The following OPA1 variants were observed in gnomAD, a reference collection of about 807,000 sequenced individuals.
OPA1 encodes the protein OPA1 mitochondrial dynamin like GTPase.
In OPA1, 59 loss-of-function variants were observed where a neutral mutation model predicts 152.9. That is an observed-to-expected ratio of 0.39 (90% CI 0.31 to 0.48). The LOEUF is 0.48. Ranked by LOEUF, OPA1 falls within the 20% of genes least tolerant of loss-of-function variation. The pLI is 0.96. For synonymous variants in OPA1, 400 were observed against 389.9 expected, an observed-to-expected ratio of 1.03 and a Z score of -0.31; for missense variants, 1,008 against 1,216.8, an observed-to-expected ratio of 0.83 and a Z score of 2.55.
chr3:193,670,732 A>G (rs760087682), intron 29 of OPA1, among the ~76,000 whole-genome samples: 12 of 152,178 alleles, frequency 7.9e-5, no homozygotes, highest in Non-Finnish European at 1.6e-4. Flanking sequence ...CCTGGAGAAG[A>G]TATACTGTGT....
chr3:193,611,741 T>G (rs985387894), intron 1 of OPA1, among the ~76,000 whole-genome samples: 7 of 152,192 alleles, frequency 4.6e-5, no homozygotes, highest in African/African-American at 1.7e-4. Context: ...TAATGCTGTT[T>G]CAGCCCCTGC....
intron 1 of OPA1, among the ~76,000 whole-genome samples, chr3:193,612,254 ATCTG>A (rs1728361643): frequency 6.8e-6 from 1 of 147,842 alleles, no homozygotes; most frequent in Non-Finnish European, 1.5e-5. Context: ...TTTGTAAGAC[ATCTG>A]TCTAACTTCC....
chr3:193,596,808 T>C (rs935218336), intron 1 of OPA1: 1 of 152,192 alleles, frequency 6.6e-6, no homozygotes, highest in African/African-American at 2.4e-5. Flanking sequence ...AGCTGTACGT[T>C]GACAGTTGAA....
chr3:193,599,705 T>C (rs1726170092), intron 1 of OPA1, among the ~76,000 whole-genome samples: 1 of 152,298 alleles, frequency 6.6e-6, no homozygotes, highest in East Asian at 1.9e-4. Context: ...TGCTAATCAT[T>C]CTACCTTGGG....
intron 23 of OPA1, among the ~76,000 whole-genome samples, chr3:193,657,918 G>A (rs571718007): frequency 1.4e-4 from 21 of 152,172 alleles, no homozygotes; most frequent in Non-Finnish European, 2.6e-4. Flanking sequence ...AAAATGCAGA[G>A]CTGGTTGTAA....
At chr3:193,656,989 CATCTGTTTGGCTTG>C in intron 22 of OPA1, 77 bp from the exon 23 acceptor site, 3 of 1,094,940 alleles carry the variant, frequency 2.7e-6, no homozygotes, top group Non-Finnish European at 4.0e-6. Context: ...TTATTTATCA[CATCTGTTTGGCTTG>C]AGCTCGTGTT....
chr3:193,659,734 A>G (rs931325649), intron 25 of OPA1, among the ~76,000 whole-genome samples, 173 bp downstream of exon 25: 1 of 152,218 alleles, frequency 6.6e-6, no homozygotes, highest in African/African-American at 2.4e-5. Flanking sequence ...ACTACATAAG[A>G]AAGTTTTTTT....
intron 1 of OPA1, among the ~76,000 whole-genome samples, chr3:193,610,620 C>T (rs1728056420): frequency 1.3e-5 from 2 of 152,210 alleles, no homozygotes; most frequent in South Asian, 2.1e-4. Context: ...TTCGGCTATG[C>T]CCTGCCTGCA....
chr3:193,625,091 A>G lies in OPA1; in HGVS notation c.679-1001A>G, dbSNP rs557794359. ...AAAACATTAGGCTTGTAACATTGTCAAATCTTGGTGGTCTTTCTTCCACGT... is the reference window on the plus strand; with the variant it reads ...AAAACATTAGGCTTGTAACATTGTCGAATCTTGGTGGTCTTTCTTCCACGT... On this transcript the variant is annotated intron_variant, in intron 6 of 30. Transcript: ENST00000361510. Among the ~76,000 whole-genome samples the G allele has an allele frequency of 2.0e-5, 3 of 152,118 alleles. No homozygotes were observed. In the South Asian group the frequency reaches 6.2e-4, roughly 32 times the overall value.
At chr3:193,663,026 T>TA in intron 26 of OPA1, 64 bp downstream of exon 26, 1 of 1,521,930 alleles carries the variant, frequency 6.6e-7, no homozygotes, top group Non-Finnish European at 9.1e-7. Flanking sequence ...CAGTAAATGT[T>TA]ACTACATGTG....
rs761296644 is a variant in OPA1, at chr3:193,662,941, A to G, written c.2640A>G (p.Gly880=). The change falls in exon 26 of 31, where the codon GGA becomes GGG. Residue 880 remains glycine, a synonymous_variant. Coordinates refer to ENST00000361510, the MANE Select transcript of OPA1 (RefSeq NM_130837.3). ...TTVRKNLESR[G]VEVDPSLIKD... The stretch of plus-strand genomic sequence containing the variant: ...TCCGGAAGAACCTTGAATCCCGAGG[A>G]GTAGAAGTAGATCCAAGCTTGGTAA... The G allele has an allele frequency of 1.2e-6, 2 of 1,613,544 alleles. No homozygotes were observed. The highest frequency in any genetic ancestry group is 2.2e-5 in the South Asian group (2 of 91,070).
At chr3:193,689,590 T>C (rs924031771) in intron 29 of OPA1, among the ~76,000 whole-genome samples, 7 of 152,206 alleles carry the variant, frequency 4.6e-5, no homozygotes, top group African/African-American at 1.4e-4. Flanking sequence ...TCAGGGTGGC[T>C]CTTGGTATCT....
Position 193,676,850 on chromosome 3 carries a change from G to A in OPA1, c.2983+9570G>A, listed in dbSNP as rs188395042. ...AAAAAATTTAGCCAGGCGTGGTGGC[G>A]GGCGCCTGTAGTCCCAGCTGCTGGG... is the stretch of plus-strand genomic sequence containing the variant. On this transcript the variant is annotated intron_variant, in intron 29 of 30. Transcript: ENST00000361510. Among the ~76,000 whole-genome samples, 245 of 152,020 alleles carry A rather than the reference G, an allele frequency of 1.6e-3. 1 individual carries two copies. Among genetic ancestry groups the A allele is most frequent in the African/African-American group, 2.7e-3 (113 of 41,482 alleles).
chr3:193,693,800 A>C (rs9875686), intron 30 of OPA1, among the ~76,000 whole-genome samples: 53,092 of 152,046 alleles, frequency 0.35, 9,416 homozygotes, highest in Admixed American at 0.35. Flanking sequence ...ATTAAGTGTT[A>C]CAATATCACC....
intron 29 of OPA1, among the ~76,000 whole-genome samples, chr3:193,678,107 C>G (rs1306113188): frequency 6.6e-6 from 1 of 152,172 alleles, no homozygotes; most frequent in African/African-American, 2.4e-5. Flanking sequence ...TAGAACAGCT[C>G]ATTCATCTAT....
At chr3:193,675,304 C>G (rs1453414477) in intron 29 of OPA1, among the ~76,000 whole-genome samples, 1 of 120,498 alleles carries the variant, frequency 8.3e-6, no homozygotes, top group Non-Finnish European at 1.6e-5. Context: ...TATGTAGGTT[C>G]AGAGGAGATT....
chr3:193,669,092 T>C (rs1291686299), intron 29 of OPA1, among the ~76,000 whole-genome samples: 1 of 152,230 alleles, frequency 6.6e-6, no homozygotes, highest in East Asian at 1.9e-4. Context: ...AAAGAAGTTC[T>C]GCAAATTTAA....
At chr3:193,618,676 T>G in intron 5 of OPA1, 193 bp from the exon 6 acceptor site, 1 of 571,286 alleles carries the variant, frequency 1.8e-6, no homozygotes, top group Non-Finnish European at 3.1e-6. Context: ...ATTGCTATAG[T>G]TAGTTTTTTT....
rs868774633 is a variant in OPA1, at chr3:193,606,805, C to T, written c.33-7918C>T. Among the ~76,000 whole-genome samples the T allele has an allele frequency of 2.7e-3, 411 of 152,046 alleles. 2 individuals are homozygous for T. Among genetic ancestry groups the T allele is most frequent in the African/African-American group, 4.7e-3 (196 of 41,472 alleles). ...CCAGTAATGGGATGGCTGGGTCAAA[C>T]GGTATTTCTAGTTCTAGATCCCTGA... is the stretch of plus-strand genomic sequence containing the variant. On this transcript the variant is annotated intron_variant, in intron 1 of 30. Coordinates refer to ENST00000361510, the MANE Select transcript of OPA1 (RefSeq NM_130837.3).
Sources: gnomAD v4.1 joint callset for allele counts (sites outside exome capture counted in the v4.1 genomes callset) on GRCh38, gnomAD v4.1.1 for gene constraint, MANE v1.5 for transcripts, NCBI Gene and HGNC (gene_info 2026-07-23, HGNC 2026-07-21) for gene names.